ECI1: variants seen among roughly 807,000 people sequenced by gnomAD.
The protein encoded by ECI1 is enoyl-CoA delta isomerase 1, also known as enoyl-CoA delta isomerase 1, mitochondrial.
In ECI1, 34 loss-of-function variants were observed where a neutral mutation model predicts 34.2. That is an observed-to-expected ratio of 1.00 (90% confidence interval 0.76 to 1.33). The LOEUF (loss-of-function observed/expected upper bound fraction) is 1.33. ECI1 is among the 40% of genes most tolerant of loss of function. The pLI, the probability that ECI1 is intolerant of heterozygous loss-of-function variation, is 0.00. For synonymous variants in ECI1, 211 were observed against 193.0 expected, an observed-to-expected ratio of 1.09 and a Z score of -0.77; for missense variants, 456 against 422.2, an observed-to-expected ratio of 1.08 and a Z score of -0.70.
At chr16:2,244,260 G>A (rs1229691500) in intron 4 of ECI1, 146 bp downstream of exon 4, 6 of 984,740 alleles carry the variant, frequency 6.1e-6, no homozygotes, top group East Asian at 2.6e-5. Context: ...CGTGGTCTGC[G>A]ATGGCGCTCA....
chr16:2,245,933 C>G (rs1178103230), intron 3 of ECI1, among the ~76,000 whole-genome samples: 1 of 152,114 alleles, frequency 6.6e-6, no homozygotes, highest in Non-Finnish European at 1.5e-5. Flanking sequence ...TCACTGTACT[C>G]CAGCCTGGGC....
chr16:2,250,338 C>T (rs1031741635), intron 2 of ECI1, among the ~76,000 whole-genome samples: 2 of 151,866 alleles, frequency 1.3e-5, no homozygotes, highest in South Asian at 2.1e-4. Flanking sequence ...TAGAGAGAGC[C>T]CAGGCAGCTC....
chr16:2,243,350 A>G lies in ECI1; in HGVS notation c.531T>C (p.Asn177=). The part of the protein sequence containing the change: ...ADNPRYCIGL[N]ETQLGIIAPF... ...GGGCGATGATGCCCAGCTGGGTCTC[A>G]TTGAGTCCTATGCAGTACCTGGGGT... The change falls in exon 5 of 7, where the codon AAT becomes AAC. Residue 177 remains asparagine, a synonymous_variant. Transcript: ENST00000301729. 6.2e-7 allele frequency: 1 copy of G among 1,613,750 alleles called. No homozygotes were observed. Among genetic ancestry groups the G allele is most frequent in the South Asian group, 1.1e-5 (1 of 91,090 alleles).
intron 6 of ECI1, 127 bp from the exon 7 acceptor site, chr16:2,240,272 T>G (rs1483074508): frequency 9.6e-7 from 1 of 1,042,138 alleles, no homozygotes; most frequent in African/African-American, 1.6e-5. Context: ...AGTGCAATGG[T>G]GGGATCTTGG....
chr16:2,249,018 CTATT>C (rs144104118), intron 2 of ECI1, among the ~76,000 whole-genome samples: 61,613 of 150,860 alleles, frequency 0.41, 12,768 homozygotes, highest in Admixed American at 0.48. Flanking sequence ...GTTGTCATTC[CTATT>C]TATTTATTTA....
At chr16:2,245,653 G>C (rs140334848) in intron 3 of ECI1, among the ~76,000 whole-genome samples, 2 of 152,166 alleles carry the variant, frequency 1.3e-5, no homozygotes, top group African/African-American at 4.8e-5. Flanking sequence ...ACTGCTTGAG[G>C]CCAGGAGTTC....
Position 2,243,152 on chromosome 16 carries a change from G to A in ECI1, c.636C>T (p.Phe212=). The change falls in exon 6 of 7, where the codon TTC becomes TTT. Residue 212 remains phenylalanine, a synonymous_variant. Coordinates refer to ENST00000301729, the MANE Select transcript of ECI1 (RefSeq NM_001919.4). ...AERALQLGLL[F]PPAEALQVGI... is the part of the protein sequence containing the mutation. Reference sequence around the variant, plus strand: ...CCACCTGCAGGGCCTCCGCCGGCGGGAAGAGCAGCCCCAGCTGCAGGGCAC... The same window carrying A: ...CCACCTGCAGGGCCTCCGCCGGCGGAAAGAGCAGCCCCAGCTGCAGGGCAC... 1.9e-6 allele frequency: 3 copies of A among 1,607,258 alleles called. No individual in the cohort carries two copies. Among genetic ancestry groups the A allele is most frequent in the Non-Finnish European group, 2.5e-6 (3 of 1,179,762 alleles).
rs78620044 is a variant in ECI1 at position 2,239,454 on chromosome 16, T to G, written c.*525A>C. The G allele has an allele frequency of 0.077, 13,328 of 173,998 alleles. 728 individuals are homozygous for G. The highest frequency in any genetic ancestry group is 0.11 in the Non-Finnish European group (9,052 of 79,794). The allele number at this position is 173,998 out of a possible 1,614,324, so 10.8% of individuals were successfully genotyped here. A position where few individuals can be genotyped will look rare whatever the true frequency, so the allele number is the denominator to read the frequency against. On this transcript the variant is annotated 3_prime_UTR_variant, in exon 7 of 7. Coordinates refer to ENST00000301729, the MANE Select transcript of ECI1 (RefSeq NM_001919.4). ...CCTTCTTAAGGGACATTTGGATCCCTGGCAGCACAGCTGCCTCCAGAGTCC... is the reference window on the plus strand; with the variant it reads ...CCTTCTTAAGGGACATTTGGATCCCGGGCAGCACAGCTGCCTCCAGAGTCC...
rs1478737496 is a variant in ECI1, at chr16:2,251,366, G to A, written c.116C>T (p.Ala39Val). Reference sequence around the variant, plus strand: ...CACCCGCTGGCTCCCGAAGCGCCGCGCGCCGTCTCCGCCGCCGGCCGCCCG... The same window carrying A: ...CACCCGCTGGCTCCCGAAGCGCCGCACGCCGTCTCCGCCGCCGGCCGCCCG... ...TERAAGGGDG[A>V]RRFGSQRVLV... The change falls in exon 2 of 7, where the codon GCG (alanine) becomes GTG (valine). Residue 39 changes from alanine to valine, a missense_variant. Coordinates refer to ENST00000301729, the MANE Select transcript of ECI1 (RefSeq NM_001919.4). 3 of 1,247,774 alleles carry A rather than the reference G, an allele frequency of 2.4e-6. No homozygotes were observed. Among genetic ancestry groups the A allele is most frequent in the East Asian group, 3.4e-5 (1 of 29,390 alleles). 77.3% of individuals were successfully genotyped at this position (1,247,774 alleles called of 1,614,324 possible).
At chr16:2,244,032 A>G (rs1382280204) in intron 4 of ECI1, 2 of 358,092 alleles carry the variant, frequency 5.6e-6, no homozygotes, top group Admixed American at 7.9e-5. Flanking sequence ...TCCTGAGGTT[A>G]AGCCCCCGTG....
chr16:2,242,239 T>A (rs2093529663), intron 6 of ECI1, among the ~76,000 whole-genome samples: 1 of 151,872 alleles, frequency 6.6e-6, no homozygotes, highest in East Asian at 1.9e-4. Context: ...GTGATCTGCC[T>A]GCCTCAGCCT....
chr16:2,242,729 G>A (rs2141497028), intron 6 of ECI1: 7 of 448,174 alleles, frequency 1.6e-5, no homozygotes, highest in East Asian at 4.2e-5. Flanking sequence ...AGATTAGAGC[G>A]AGGCGCCCAC....
chr16:2,247,363 G>T (rs1180547131), intron 2 of ECI1, among the ~76,000 whole-genome samples: 1 of 151,516 alleles, frequency 6.6e-6, no homozygotes, highest in Non-Finnish European at 1.5e-5. Flanking sequence ...CCAAAGTGCT[G>T]GGATTACAGG....
At chr16:2,248,970 G>A (rs999303015) in intron 2 of ECI1, among the ~76,000 whole-genome samples, 46 of 152,182 alleles carry the variant, frequency 3.0e-4, no homozygotes, top group African/African-American at 9.4e-4. Context: ...TGTCGGCTTT[G>A]TCCACTTAGT....
chr16:2,239,693 G>T lies in ECI1; in HGVS notation c.*286C>A. The T allele has an allele frequency of 2.2e-6, 1 of 463,404 alleles. No individual in the cohort carries two copies. Among genetic ancestry groups the T allele is most frequent in the Non-Finnish European group, 4.0e-6 (1 of 250,904 alleles). 28.7% of individuals were successfully genotyped at this position (463,404 alleles called of 1,614,324 possible). A position where few individuals can be genotyped will look rare whatever the true frequency, so the allele number is the denominator to read the frequency against. ...CTTACGATTCTGCCTTGGGAACAGA[G>T]ACACTCCGTGGCAACCTCACCAGGT... On this transcript the variant is annotated 3_prime_UTR_variant, in exon 7 of 7. Transcript: ENST00000301729.
Position 2,251,545 on chromosome 16 carries a change from G to T in ECI1, c.22C>A (p.Arg8=), listed in dbSNP as rs749484668. The T allele has an allele frequency of 6.4e-7, 1 of 1,560,478 alleles. No homozygotes were observed. Among genetic ancestry groups the T allele is most frequent in the Non-Finnish European group, 8.7e-7 (1 of 1,153,396 alleles). Residue 8 remains arginine, a synonymous_variant, in exon 1 of 7, where the codon CGA becomes AGA. Transcript: ENST00000301729. MALVASV[R]VPARVLLRAG... ...CGGAGCAGAACGCGCGCCGGGACTC[G>T]CACAGAAGCCACCAGCGCCATCTTG... is the stretch of plus-strand genomic sequence containing the variant.
At chr16:2,250,486 G>A (rs939722175) in intron 2 of ECI1, among the ~76,000 whole-genome samples, 1 of 152,082 alleles carries the variant, frequency 6.6e-6, no homozygotes, top group African/African-American at 2.4e-5. Context: ...TGCGGAGGGG[G>A]AGGGCCTCCT....
In ECI1 at chr16:2,244,542, C is replaced by A. The variant is rs1271357999; in HGVS notation, c.305G>T (p.Gly102Val). 7 of 1,586,008 alleles carry A rather than the reference C, an allele frequency of 4.4e-6. No individual in the cohort carries two copies. The highest frequency in any genetic ancestry group is 5.1e-6 in the Non-Finnish European group (6 of 1,166,826). ...CAGGTCCAGGCCGGCCGAGAAGACACCCGGGCGGTCCTGCAGGGGGAGCCG... is the reference window on the plus strand; with the variant it reads ...CAGGTCCAGGCCGGCCGAGAAGACAACCGGGCGGTCCTGCAGGGGGAGCCG... The part of the protein sequence containing the change: ...RGVILTSDRP[G>V]VFSAGLDLTE... The change falls in exon 4 of 7, where the codon GGT (glycine) becomes GTT (valine). Residue 102 changes from glycine to valine, a missense_variant. Gly to Val is a moderately radical substitution (Grantham distance 109, BLOSUM62 -3). Transcript: ENST00000301729.
intron 3 of ECI1, 93 bp from the exon 4 acceptor site, chr16:2,244,645 C>T: frequency 2.2e-6 from 3 of 1,364,348 alleles, no homozygotes; most frequent in African/African-American, 1.4e-5. Flanking sequence ...GCACGACGCA[C>T]AGCAGGGCCA....
Sources: allele counts gnomAD v4.1 joint callset (sites outside exome capture counted in the v4.1 genomes callset), GRCh38; gene constraint gnomAD v4.1.1; transcripts MANE v1.5; gene names NCBI Gene and HGNC (gene_info 2026-07-23, HGNC 2026-07-21).